Variants in THEM5 observed in about 807,000 individuals in gnomAD.
THEM5 encodes thioesterase superfamily member 5.
In THEM5, 28 loss-of-function variants were observed where a neutral mutation model predicts 24.2. The observed-to-expected ratio is 1.16, with a 90% CI of 0.86 to 1.59. The LOEUF (loss-of-function observed/expected upper bound fraction) is 1.59, where lower values mean the gene tolerates loss of function less well. THEM5 is among the 40% of genes most tolerant of loss of function. The probability of loss-of-function intolerance (pLI) is 0.00; values close to 1 mark genes in which losing one functional copy is unlikely to be tolerated. For synonymous variants in THEM5, 87 were observed against 114.5 expected (o/e 0.76, Z 1.53); for missense variants, 260 against 296.8 (o/e 0.88, Z 0.91).
At chr1:151,848,833 G>A (rs1192310663) in intron 3 of THEM5, among the ~76,000 whole-genome samples, 1 of 152,220 alleles carries the variant, frequency 6.6e-6, no homozygotes. Flanking sequence ...TCTGAGCAGC[G>A]TTGCCACAGA....
At position 151,852,343 on chromosome 1, in the gene THEM5, G is replaced by T; in HGVS notation, c.240C>A (p.Ser80Arg). The T allele has an allele frequency of 6.2e-7, 1 of 1,614,128 alleles. No homozygotes were observed. The highest frequency in any genetic ancestry group is 8.5e-7 in the Non-Finnish European group (1 of 1,180,024). ...TGAAGGAGGGCAGCTTGATCCAGCC[G>T]CTAGACTTAGTCTTCTCCAGAAATT... ...YQEFLEKTKS[S>R]GWIKLPSFKS... Residue 80 changes from serine to arginine, a missense_variant, in exon 2 of 6, where the codon AGC (serine) becomes AGA (arginine). By Grantham distance (110) the Ser-to-Arg change is moderately radical. Coordinates refer to ENST00000368817, the MANE Select transcript of THEM5 (RefSeq NM_182578.4).
Position 151,852,526 on chromosome 1 carries a change from C to T in THEM5, c.124-67G>A, listed in dbSNP as rs1486702901. 2.7e-6 allele frequency: 4 copies of T among 1,464,166 alleles called. No homozygotes were observed. The Admixed American group carries it at 5.1e-5, about 19-fold the overall frequency. 90.7% of individuals were successfully genotyped at this position (1,464,166 alleles called of 1,614,324 possible). A position where few individuals can be genotyped will look rare whatever the true frequency, so the allele number is the denominator to read the frequency against. Reference sequence around the variant, plus strand: ...GGGGGCTGCTGCCTGGGCTCGGGACCTCTAAACAGCTGTTCCTGGGTGCTG... The same window carrying T: ...GGGGGCTGCTGCCTGGGCTCGGGACTTCTAAACAGCTGTTCCTGGGTGCTG... On this transcript the variant is annotated intron_variant, in intron 1 of 5. Transcript: ENST00000368817.
chr1:151,851,306 AC>A, intron 2 of THEM5, 115 bp from the exon 3 acceptor site: 1 of 1,353,764 alleles, frequency 7.4e-7, no homozygotes, highest in Non-Finnish European at 1.0e-6. Context: ...ACCAGAGGAC[AC>A]CAGGTCCACC....
In THEM5 at chr1:151,847,891, C is replaced by T. The variant is rs747100488; in HGVS notation, c.576-29G>A. 3.6e-5 allele frequency: 58 copies of T among 1,613,106 alleles called. No homozygotes were observed. The South Asian group carries it at 5.8e-4, about 16-fold the overall frequency. Reference sequence around the variant, plus strand: ...GGAGACGAGGCAGCTTAGCCCATCTCTCATGTGAACCCGGTTCCCCATCCC... The same window carrying T: ...GGAGACGAGGCAGCTTAGCCCATCTTTCATGTGAACCCGGTTCCCCATCCC... On this transcript the variant is annotated intron_variant, in intron 4 of 5. Coordinates refer to ENST00000368817, the MANE Select transcript of THEM5 (RefSeq NM_182578.4).
chr1:151,850,932 C>T lies in THEM5; in HGVS notation c.464+121G>A, dbSNP rs1572062071. On this transcript the variant is annotated intron_variant, in intron 3 of 5. Coordinates refer to ENST00000368817, the MANE Select transcript of THEM5 (RefSeq NM_182578.4). ...TATTGTGAGGCTGAAGCCTAGTGCCCCACACTCCCTTCCTCACCCCTTAGA... is the reference window on the plus strand; with the variant it reads ...TATTGTGAGGCTGAAGCCTAGTGCCTCACACTCCCTTCCTCACCCCTTAGA... The T allele has an allele frequency of 3.1e-6, 4 of 1,292,728 alleles. No homozygotes were observed. In the East Asian group the frequency reaches 1.0e-4, roughly 32 times the overall value. The allele number at this position is 1,292,728 out of a possible 1,614,324, so 80.1% of individuals were successfully genotyped here.
In THEM5 at chr1:151,853,444, A is replaced by G. The variant is rs61754919; in HGVS notation, c.122T>C (p.Met41Thr). ...ASAFGSSTDS[M>T]FSRFLPEKTD... Reference sequence around the variant, plus strand: ...CATCTGGCTGAGCTGGGAACTCACCATGGAGTCTGTGGAGGATCCAAATGC... The same window carrying G: ...CATCTGGCTGAGCTGGGAACTCACCGTGGAGTCTGTGGAGGATCCAAATGC... Residue 41 changes from methionine (M) to threonine (T), a missense_variant and splice_region_variant, in exon 1 of 6, where the codon ATG becomes ACG. Coordinates refer to ENST00000368817, the MANE Select transcript of THEM5 (RefSeq NM_182578.4). 4,568 of 1,613,392 alleles carry G rather than the reference A, an allele frequency of 2.8e-3. 107 individuals are homozygous for G. The African/African-American group carries it at 0.054, about 19-fold the overall frequency.
Position 151,847,843 on chromosome 1 carries a change from G to C in THEM5, c.595C>G (p.Leu199Val). 6.2e-7 allele frequency: 1 copy of C among 1,614,060 alleles called. No individual in the cohort carries two copies. The highest frequency in any genetic ancestry group is 8.5e-7 in the Non-Finnish European group (1 of 1,180,000). ...TCCAGTTCTACGTCCATTACAACCAGAGAGTCCACGGGGATCAAGCTGGGA... is the reference window on the plus strand; with the variant it reads ...TCCAGTTCTACGTCCATTACAACCACAGAGTCCACGGGGATCAAGCTGGGA... The part of the protein sequence containing the change: ...RFKNLIPVDS[L>V]VVMDVELDKI... Residue 199 changes from leucine to valine, a missense_variant, in exon 5 of 6, where the codon CTG becomes GTG. Physicochemically the swap from Leu to Val is conservative, Grantham distance 32. Transcript: ENST00000368817.
intron 1 of THEM5, among the ~76,000 whole-genome samples, chr1:151,852,962 G>A (rs2101702436): frequency 6.6e-6 from 1 of 152,128 alleles, no homozygotes; most frequent in East Asian, 1.9e-4. Context: ...CACTGCTGTG[G>A]GCCTGCCTGG....
Position 151,852,410 on chromosome 1 carries a change from G to C in THEM5, c.173C>G (p.Pro58Arg), listed in dbSNP as rs749918467. The C allele has an allele frequency of 6.2e-7, 1 of 1,613,988 alleles. No homozygotes were observed. The highest frequency in any genetic ancestry group is 1.3e-5 in the African/African-American group (1 of 74,890). Residue 58 changes from proline to arginine, a missense_variant, in exon 2 of 6, where the codon CCC becomes CGC. Pro to Arg is a moderately radical substitution (Grantham distance 103). Transcript: ENST00000368817. ...CATGTCCGAACACCAGCTGGCATTG[G>C]GAAGAGCATAATCCTTCAAGTCTGT... ...EKTDLKDYAL[P>R]NASWCSDMLS...
chr1:151,853,592 T>C lies in THEM5; in HGVS notation c.-27A>G. The C allele has an allele frequency of 6.3e-7, 1 of 1,598,776 alleles. No homozygotes were observed. ...GCCAAGTGCAAGGATCCAGCCCTGC[T>C]TGGATGGAGGGTCTTGGCTGACTCC... is the stretch of plus-strand genomic sequence containing the variant. On this transcript the variant is annotated 5_prime_UTR_variant, in exon 1 of 6. Coordinates refer to ENST00000368817, the MANE Select transcript of THEM5 (RefSeq NM_182578.4).
intron 1 of THEM5, among the ~76,000 whole-genome samples, chr1:151,853,237 G>C (rs998500): frequency 0.59 from 89,947 of 152,192 alleles, 27,877 homozygotes; most frequent in Non-Finnish European, 0.67. Flanking sequence ...ACAAGACACA[G>C]AGCCAGATGC....
At chr1:151,852,589 G>A (rs1210815035) in intron 1 of THEM5, 130 bp from the exon 2 acceptor site, 1 of 852,448 alleles carries the variant, frequency 1.2e-6, no homozygotes, top group Non-Finnish European at 1.8e-6. Context: ...ATCGATCCAA[G>A]GGAAAGGGCC....
intron 3 of THEM5, among the ~76,000 whole-genome samples, chr1:151,850,031 A>C (rs562531730): frequency 1.3e-5 from 2 of 152,378 alleles, no homozygotes; most frequent in Admixed American, 1.3e-4. Context: ...TAGTATCTGC[A>C]CAGCCTAGTG....
rs1263462323 is a variant in THEM5 at position 151,851,204 on chromosome 1, A to T, written c.326-13T>A. On this transcript the variant is annotated splice_polypyrimidine_tract_variant and intron_variant, in intron 2 of 5. Coordinates refer to ENST00000368817, the MANE Select transcript of THEM5 (RefSeq NM_182578.4). ...CAGTCACCTTTGTCTGGGGAGAGAT[A>T]GGCAGTGTTGCAGCCGGAGAAGGGA... is the stretch of plus-strand genomic sequence containing the variant. 1 of 1,614,158 alleles carries T rather than the reference A, an allele frequency of 6.2e-7. No homozygotes were observed. The highest frequency in any genetic ancestry group is 1.1e-5 in the South Asian group (1 of 91,078).
At chr1:151,851,722 C>T (rs576100296) in intron 2 of THEM5, among the ~76,000 whole-genome samples, 5 of 152,206 alleles carry the variant, frequency 3.3e-5, no homozygotes, top group African/African-American at 1.2e-4. Context: ...AGGAAGACAA[C>T]ATATATGAGT....
Position 151,851,049 on chromosome 1 carries a change from T to C in THEM5, c.464+4A>G. The stretch of plus-strand genomic sequence containing the variant: ...GGCAGCCAAGGTCCTACCAGTGACC[T>C]TACCCTGGGGGCCCCTCCAGGTAGG... On this transcript the variant is annotated splice_donor_region_variant and intron_variant, in intron 3 of 5. Coordinates refer to ENST00000368817, the MANE Select transcript of THEM5 (RefSeq NM_182578.4). 2 of 1,614,030 alleles carry C rather than the reference T, an allele frequency of 1.2e-6. No homozygotes were observed. Among genetic ancestry groups the C allele is most frequent in the East Asian group, 4.5e-5 (2 of 44,884 alleles).
chr1:151,852,134 G>T, intron 2 of THEM5, 124 bp downstream of exon 2: 5 of 921,754 alleles, frequency 5.4e-6, no homozygotes, highest in Non-Finnish European at 8.6e-6. Flanking sequence ...TGCAGCATCA[G>T]GGGTGGAGTT....
At chr1:151,847,969 C>G in intron 4 of THEM5, 107 bp from the exon 5 acceptor site, 1 of 1,554,338 alleles carries the variant, frequency 6.4e-7, no homozygotes, top group Admixed American at 1.9e-5. Context: ...CTCGAGGACT[C>G]AGAAGTGGCC....
chr1:151,853,005 C>T (rs1461278316), intron 1 of THEM5, among the ~76,000 whole-genome samples: 1 of 152,226 alleles, frequency 6.6e-6, no homozygotes, highest in East Asian at 1.9e-4. Context: ...CATTTGGGCC[C>T]CCACAGAGGT....
Sources: allele counts gnomAD v4.1 joint callset (sites outside exome capture counted in the v4.1 genomes callset), GRCh38; gene constraint gnomAD v4.1.1; transcripts MANE v1.5; gene names NCBI Gene and HGNC (gene_info 2026-07-23, HGNC 2026-07-21).